MYT1L: variants seen among roughly 807,000 people sequenced by gnomAD.
MYT1L encodes the protein myelin transcription factor 1-like protein.
Under a neutral mutation model 126.7 loss-of-function variants are expected in MYT1L, and 12 were observed. That is an observed-to-expected ratio of 0.09 (90% confidence interval 0.06 to 0.15). MYT1L has a LOEUF of 0.15. Ranked by LOEUF, MYT1L falls within the 10% of genes least tolerant of loss-of-function variation. The pLI, the probability that MYT1L is intolerant of heterozygous loss-of-function variation, is 1.00. For synonymous variants in MYT1L, 541 were observed against 604.2 expected (o/e 0.90, Z 1.53); for missense variants, 979 against 1,585.2 (o/e 0.62, Z 6.49).
Position 1,969,027 on chromosome 2 carries a change from T to C in MYT1L, c.152+10138A>G, listed in dbSNP as rs1015068517. On this transcript the variant is annotated intron_variant, in intron 8 of 24. Coordinates refer to ENST00000647738, the MANE Select transcript of MYT1L (RefSeq NM_001303052.2). ...CACCCCACTCCAAAGCGGCTGTCCC[T>C]TTCTCAGAAAAATATAGCCTCCTGC... is the stretch of plus-strand genomic sequence containing the variant. 4.6e-5 allele frequency among the ~76,000 whole-genome samples: 7 copies of C among 152,218 alleles called. 1 individual carries two copies. Among genetic ancestry groups the C allele is most frequent in the Admixed American group, 1.3e-4 (2 of 15,284 alleles).
intron 19 of MYT1L, among the ~76,000 whole-genome samples, chr2:1,845,201 T>C (rs772441649): frequency 5.3e-4 from 80 of 152,142 alleles, no homozygotes; most frequent in Admixed American, 1.6e-3. Flanking sequence ...CTCGAACTCC[T>C]GGCCTCAAGC....
intron 22 of MYT1L, among the ~76,000 whole-genome samples, chr2:1,803,107 T>C (rs13006826): frequency 0.64 from 97,065 of 152,026 alleles, 31,301 homozygotes; most frequent in South Asian, 0.79. Context: ...GAGAAAGTGA[T>C]GGATCAGTGG....
intron 21 of MYT1L, among the ~76,000 whole-genome samples, chr2:1,812,737 G>A (rs1033772926): frequency 1.6e-4 from 24 of 152,036 alleles, no homozygotes; most frequent in Non-Finnish European, 2.9e-4. Flanking sequence ...TTAGCTGGGC[G>A]TGGTGGCAGG....
At chr2:2,252,631 G>T (rs572731641) in intron 2 of MYT1L, among the ~76,000 whole-genome samples, 1 of 152,126 alleles carries the variant, frequency 6.6e-6, no homozygotes, top group African/African-American at 2.4e-5. Flanking sequence ...GTAGATGGGC[G>T]GGGTGTTGAA....
intron 4 of MYT1L, 40 bp downstream of exon 4, chr2:2,053,938 T>G (rs1167044565): frequency 1.3e-5 from 2 of 152,704 alleles, no homozygotes; most frequent in African/African-American, 2.4e-5. Flanking sequence ...CCTGTCTGCA[T>G]GTAAAGCTTA....
chr2:2,051,274 T>A (rs952459483), intron 4 of MYT1L, among the ~76,000 whole-genome samples: 3 of 152,236 alleles, frequency 2.0e-5, no homozygotes, highest in South Asian at 4.1e-4. Context: ...GTATTTTTCT[T>A]CTCTCAAGTC....
chr2:2,321,769 C>T (rs1266546076), intron 1 of MYT1L, among the ~76,000 whole-genome samples: 3 of 152,154 alleles, frequency 2.0e-5, no homozygotes, highest in Non-Finnish European at 2.9e-5. Flanking sequence ...CTAAACCTGA[C>T]ATTCCACACT....
At chr2:2,239,398 C>T (rs2094392943) in intron 2 of MYT1L, among the ~76,000 whole-genome samples, 1 of 152,226 alleles carries the variant, frequency 6.6e-6, no homozygotes. Flanking sequence ...TCACAGTGCA[C>T]ATGGGTGGCA....
intron 8 of MYT1L, among the ~76,000 whole-genome samples, chr2:1,971,833 T>C (rs1294645225): frequency 6.6e-6 from 1 of 152,166 alleles, no homozygotes; most frequent in Non-Finnish European, 1.5e-5. Flanking sequence ...CTGCAAATCC[T>C]ATGGGTACTC....
Position 1,922,261 on chromosome 2 carries a change from A to G in MYT1L, c.1483+25T>C, listed in dbSNP as rs781428173. The G allele has an allele frequency of 5.0e-6, 8 of 1,603,870 alleles. No homozygotes were observed. Among genetic ancestry groups the G allele is most frequent in the Admixed American group, 3.4e-5 (2 of 59,492 alleles). On this transcript the variant is annotated intron_variant, in intron 10 of 24. Transcript: ENST00000647738. This position sits in a 1 kb window ranked among gnomAD's most constrained non-coding sequence, Gnocchi z 7.4. ...ACCCTAGCTCATGTTTTCATGAGGC[A>G]ACTTACGTTAGGTAGAAATATTACC...
chr2:2,121,503 G>GCCCCC (rs2081009372), intron 3 of MYT1L, among the ~76,000 whole-genome samples: 1 of 150,418 alleles, frequency 6.6e-6, no homozygotes, highest in Non-Finnish European at 1.5e-5. Flanking sequence ...TGTTTTTTGA[G>GCCCCC]ATGGAGTTTG....
Position 2,270,613 on chromosome 2 carries a change from T to C in MYT1L, c.-421+13791A>G, listed in dbSNP as rs564565847. Reference sequence around the variant, plus strand: ...AAAAAATTACAGCCAATCCAAGCAATGAAAAAATTACAGCCAATCTCCCTA... The same window carrying C: ...AAAAAATTACAGCCAATCCAAGCAACGAAAAAATTACAGCCAATCTCCCTA... On this transcript the variant is annotated intron_variant, in intron 2 of 24. Transcript: ENST00000647738. Among the ~76,000 whole-genome samples the C allele has an allele frequency of 2.0e-4, 30 of 151,988 alleles. 1 individual carries two copies. The South Asian group carries it at 5.8e-3, about 30-fold the overall frequency.
chr2:2,077,821 G>GC (rs1266034192), intron 3 of MYT1L, among the ~76,000 whole-genome samples: 4 of 152,126 alleles, frequency 2.6e-5, no homozygotes, highest in Non-Finnish European at 4.4e-5. Context: ...ACTAAAGGGA[G>GC]CCCCTCACGC....
intron 3 of MYT1L, among the ~76,000 whole-genome samples, chr2:2,112,852 AGCCTCCC>A (rs1334599615): frequency 2.0e-4 from 30 of 152,328 alleles, no homozygotes; most frequent in African/African-American, 7.2e-4. Context: ...TGAACCATGC[AGCCTCCC>A]GCGAGTCGCA....
intron 1 of MYT1L, among the ~76,000 whole-genome samples, chr2:2,289,711 A>T (rs1468566015): frequency 1.3e-5 from 2 of 152,234 alleles, no homozygotes; most frequent in Non-Finnish European, 1.5e-5. Context: ...GACTAGAACC[A>T]AAATCCTCTC....
At chr2:1,890,930 T>C (rs1022133771) in intron 15 of MYT1L, among the ~76,000 whole-genome samples, 1 of 152,040 alleles carries the variant, frequency 6.6e-6, no homozygotes, top group Non-Finnish European at 1.5e-5. Context: ...AGCTTTATAA[T>C]GTTGGATTTA....
intron 5 of MYT1L, among the ~76,000 whole-genome samples, chr2:1,986,461 T>C (rs1294047055): frequency 1.3e-5 from 2 of 152,204 alleles, no homozygotes; most frequent in Non-Finnish European, 2.9e-5. Context: ...CCTCCCATCA[T>C]GTTTGAGCCG....
At chr2:2,292,555 G>C (rs570239436) in intron 1 of MYT1L, among the ~76,000 whole-genome samples, 1 of 152,244 alleles carries the variant, frequency 6.6e-6, no homozygotes, top group Admixed American at 6.5e-5. Flanking sequence ...GTCAGCACTC[G>C]GGGACAGCCT....
At chr2:2,050,200 A>T (rs973151602) in intron 4 of MYT1L, among the ~76,000 whole-genome samples, 3 of 152,194 alleles carry the variant, frequency 2.0e-5, no homozygotes, top group African/African-American at 4.8e-5. Flanking sequence ...AGATTTGCCC[A>T]AAAACAAGTG....
Sources: allele counts gnomAD v4.1 joint callset (sites outside exome capture counted in the v4.1 genomes callset), GRCh38; gene constraint gnomAD v4.1.1; non-coding constraint Gnocchi (gnomAD v3.1); transcripts MANE v1.5; gene names NCBI Gene and HGNC (gene_info 2026-07-23, HGNC 2026-07-21).